PAK5: variants seen among roughly 807,000 people sequenced by gnomAD.
The protein encoded by PAK5 is p21 (RAC1) activated kinase 5, also known as serine/threonine-protein kinase PAK 5.
PAK5 carries 16 observed loss-of-function variants against 65.9 expected under a neutral mutation model. The observed-to-expected ratio is 0.24, with a 90% CI of 0.16 to 0.37. The LOEUF is 0.37. PAK5 is among the 10% of genes least tolerant of loss of function. The pLI is 1.00. For missense variants in PAK5, 785 were observed against 903.9 expected (o/e 0.87, Z 1.69); for synonymous variants, 371 against 354.9 (o/e 1.05, Z -0.51).
chr20:9,838,956 T>TC lies in PAK5; in HGVS notation c.-357dup, dbSNP rs552655924. ...CAGCTTTCTACTCTCCACCCAAACC[T>TC]CCCCCAGCTACTGAGCATGCCCAGC... On this transcript the variant is annotated 5_prime_UTR_variant, in exon 1 of 10. An upstream open reading frame in the 5' UTR loses its in-frame stop. Coordinates refer to ENST00000353224, the MANE Select transcript of PAK5 (RefSeq NM_177990.4). This position sits in a 1 kb window ranked among gnomAD's most constrained non-coding sequence, Gnocchi z 4.5. 1.3e-5 allele frequency: 2 copies of TC among 152,456 alleles called. No individual in the cohort carries two copies. The highest frequency in any genetic ancestry group is 3.9e-4 in the East Asian group (2 of 5,126). The allele number at this position is 152,456 out of a possible 1,614,324, so 9.4% of individuals were successfully genotyped here.
intron 1 of PAK5, among the ~76,000 whole-genome samples, chr20:9,836,250 G>A (rs1229353555): frequency 6.6e-6 from 1 of 152,210 alleles, no homozygotes; most frequent in Non-Finnish European, 1.5e-5. Flanking sequence ...CTGGGCTGAA[G>A]AGTGTCTCCC....
intron 1 of PAK5, among the ~76,000 whole-genome samples, chr20:9,789,195 T>G (rs768524230): frequency 2.6e-5 from 4 of 152,206 alleles, no homozygotes; most frequent in Admixed American, 6.5e-5. Context: ...GATCTCTAAT[T>G]GGTGGGTTTT....
chr20:9,544,251 T>A, intron 8 of PAK5, 118 bp downstream of exon 8: 1 of 1,099,276 alleles, frequency 9.1e-7, no homozygotes, highest in Non-Finnish European at 1.3e-6. Flanking sequence ...TGAGTGGGGA[T>A]CAAATGTGGA....
intron 3 of PAK5, among the ~76,000 whole-genome samples, chr20:9,594,076 T>C (rs1368866945): frequency 6.6e-6 from 1 of 152,178 alleles, no homozygotes; most frequent in Non-Finnish European, 1.5e-5. Context: ...ACCAATTACA[T>C]CTCTGATCAT....
chr20:9,684,757 T>C (rs978340709), intron 2 of PAK5, among the ~76,000 whole-genome samples: 1 of 152,238 alleles, frequency 6.6e-6, no homozygotes, highest in Non-Finnish European at 1.5e-5. Context: ...AGCCTCTTAA[T>C]AGCTTTTCCT....
rs2122995634 is a variant in PAK5 at position 9,566,074 on chromosome 20, G to A, written c.1301C>T (p.Ala434Val). 6 of 1,613,876 alleles carry A rather than the reference G, an allele frequency of 3.7e-6. No individual in the cohort carries two copies. The highest frequency in any genetic ancestry group is 1.3e-5 in the African/African-American group (1 of 74,984). Residue 434 changes from alanine to valine, a missense_variant, in exon 5 of 10, where the codon GCG becomes GTG. By Grantham distance (64) the Ala-to-Val change is moderately conservative. Transcript: ENST00000353224. Reference sequence around the variant, plus strand: ...TGGGCTGACCACCAGCTGCAGGGCCGCCCGAAACTGTTCATGGGACACCCT... The same window carrying A: ...TGGGCTGACCACCAGCTGCAGGGCCACCCGAAACTGTTCATGGGACACCCT... ...PSRVSHEQFRAALQLVVSPGD... is the reference protein window; with the variant it reads ...PSRVSHEQFRVALQLVVSPGD...
intron 4 of PAK5, among the ~76,000 whole-genome samples, chr20:9,567,811 T>C (rs1008275357): frequency 2.6e-5 from 4 of 152,174 alleles, no homozygotes; most frequent in Non-Finnish European, 5.9e-5. Context: ...TAGTAATGAA[T>C]AATATTAAGA....
At chr20:9,821,368 G>C (rs1000862806) in intron 1 of PAK5, among the ~76,000 whole-genome samples, 1 of 152,026 alleles carries the variant, frequency 6.6e-6, no homozygotes, top group Non-Finnish European at 1.5e-5. Flanking sequence ...GCAACAGAGC[G>C]AGACTCTGTC....
rs1040728083 is a variant in PAK5 at position 9,539,288 on chromosome 20, T to C, written c.*174A>G. ...CACCGGCTGTCAGTGGAGAGATGCC[T>C]GTTTAAGACACAAGAAGATGCCCTG... On this transcript the variant is annotated 3_prime_UTR_variant, in exon 10 of 10. Transcript: ENST00000353224. 5.4e-5 allele frequency: 33 copies of C among 615,932 alleles called. No individual in the cohort carries two copies. The highest frequency in any genetic ancestry group is 2.3e-4 in the African/African-American group (13 of 55,402). 38.2% of individuals were successfully genotyped at this position (615,932 alleles called of 1,614,324 possible).
chr20:9,692,880 T>A lies in PAK5; in HGVS notation c.-12+18406A>T, dbSNP rs1389391422. ...TCTCCAGTTTCTTCATTAAAAAAAA[T>A]TAAATAAATAAATACATTACTCTCT... is the stretch of plus-strand genomic sequence containing the variant. On this transcript the variant is annotated intron_variant, in intron 2 of 9. Coordinates refer to ENST00000353224, the MANE Select transcript of PAK5 (RefSeq NM_177990.4). Among the ~76,000 whole-genome samples the A allele has an allele frequency of 3.3e-5, 5 of 152,024 alleles. No homozygotes were observed. The South Asian group carries it at 8.3e-4, about 25-fold the overall frequency.
intron 2 of PAK5, among the ~76,000 whole-genome samples, chr20:9,702,783 A>G (rs1027675728): frequency 3.9e-5 from 6 of 152,090 alleles, no homozygotes; most frequent in Non-Finnish European, 7.4e-5. Context: ...TAATTTTGCT[A>G]TGCATTATAG....
intron 1 of PAK5, among the ~76,000 whole-genome samples, chr20:9,819,198 C>A (rs1479624708): frequency 6.6e-6 from 1 of 152,124 alleles, no homozygotes; most frequent in Non-Finnish European, 1.5e-5. Context: ...CGATTTCCCT[C>A]CCATTAAGTA....
intron 1 of PAK5, among the ~76,000 whole-genome samples, chr20:9,770,174 T>C (rs2048817486): frequency 6.6e-6 from 1 of 152,094 alleles, no homozygotes; most frequent in Non-Finnish European, 1.5e-5. Flanking sequence ...GTCGACTTCC[T>C]AAGAGGAGGG....
chr20:9,624,511 T>C (rs2046815264), intron 3 of PAK5, among the ~76,000 whole-genome samples: 1 of 146,890 alleles, frequency 6.8e-6, no homozygotes, highest in African/African-American at 2.5e-5. Context: ...AGAAATATTA[T>C]AAAGGTAACA....
At chr20:9,721,571 T>C (rs111388474) in intron 1 of PAK5, among the ~76,000 whole-genome samples, 3,176 of 146,848 alleles carry the variant, frequency 0.022, 129 homozygotes, top group African/African-American at 0.077. Context: ...GAAAATCGCT[T>C]GAACCCGGGA....
intron 1 of PAK5, among the ~76,000 whole-genome samples, chr20:9,728,085 G>T (rs1417055036): frequency 1.3e-5 from 2 of 152,092 alleles, no homozygotes; most frequent in East Asian, 1.9e-4. Flanking sequence ...AACAAGTGGG[G>T]CCCTTGGGAG....
At chr20:9,751,171 G>A (rs949938051) in intron 1 of PAK5, among the ~76,000 whole-genome samples, 1 of 152,060 alleles carries the variant, frequency 6.6e-6, no homozygotes, top group African/African-American at 2.4e-5. Flanking sequence ...TGAGGTAAAA[G>A]GTCCTCTAGT....
At chr20:9,752,195 C>T (rs866152740) in intron 1 of PAK5, among the ~76,000 whole-genome samples, 15 of 152,156 alleles carry the variant, frequency 9.9e-5, no homozygotes, top group Middle Eastern at 6.8e-3. Flanking sequence ...GCAGAAGCCA[C>T]AAGCCAGAGG....
chr20:9,680,559 T>G (rs2047635980), intron 2 of PAK5, among the ~76,000 whole-genome samples: 1 of 152,158 alleles, frequency 6.6e-6, no homozygotes, highest in African/African-American at 2.4e-5. Context: ...TATTCAGCAA[T>G]TCCCATTTTT....
Sources: allele counts gnomAD v4.1 joint callset (sites outside exome capture counted in the v4.1 genomes callset), GRCh38; gene constraint gnomAD v4.1.1; non-coding constraint Gnocchi (gnomAD v3.1); transcripts MANE v1.5; gene names NCBI Gene and HGNC (gene_info 2026-07-23, HGNC 2026-07-21).